Variants in MAGI2 observed in about 807,000 individuals in gnomAD.
The protein encoded by MAGI2 is membrane associated guanylate kinase, WW and PDZ domain containing 2.
A neutral mutation model predicts 133.3 loss-of-function variants in MAGI2; 35 were observed. The ratio of observed to expected loss-of-function variants is 0.26; its 90% CI spans 0.20 to 0.35. The LOEUF (loss-of-function observed/expected upper bound fraction) is 0.35, where lower values mean the gene tolerates loss of function less well. Ranked by LOEUF, MAGI2 falls within the 10% of genes least tolerant of loss-of-function variation. The pLI, the probability that MAGI2 is intolerant of heterozygous loss-of-function variation, is 1.00. For missense variants in MAGI2, 1,636 were observed against 1,863.4 expected (o/e 0.88, Z 2.25); for synonymous variants, 729 against 710.6 (o/e 1.03, Z -0.41).
rs758218253 is a variant in MAGI2, at chr7:78,346,050, A to G, written c.1104-7T>C. The G allele has an allele frequency of 6.8e-6, 11 of 1,613,758 alleles. No individual in the cohort carries two copies. The African/African-American group carries it at 1.1e-4, about 16-fold the overall frequency. On this transcript the variant is annotated splice_polypyrimidine_tract_variant and splice_region_variant and intron_variant, in intron 7 of 21. Transcript: ENST00000354212. ...TGTTCTTCTATTTATGTGGCTAAAA[A>G]AGAAAATTTCAGATTAGGATAACCG...
chr7:78,948,661 T>A (rs1363211751), intron 2 of MAGI2, among the ~76,000 whole-genome samples: 1 of 152,112 alleles, frequency 6.6e-6, no homozygotes, highest in African/African-American at 2.4e-5. Flanking sequence ...TATTTGTACA[T>A]TAGAATCAAT....
rs150156602 is a variant in MAGI2 at position 78,175,173 on chromosome 7, T to C, written c.2403+2838A>G. ...CACAGGACAGTTCTCTGGGTGGCCT[T>C]GGACTCACCCAATTTTTTCCCCTTC... On this transcript the variant is annotated intron_variant, in intron 14 of 21. Coordinates refer to ENST00000354212, the MANE Select transcript of MAGI2 (RefSeq NM_012301.4). 4.9e-3 allele frequency among the ~76,000 whole-genome samples: 746 copies of C among 152,326 alleles called. 7 individuals carry two copies. The highest frequency in any genetic ancestry group is 0.017 in the African/African-American group (697 of 41,580).
chr7:78,280,716 A>T (rs1450331276), intron 9 of MAGI2, among the ~76,000 whole-genome samples: 1 of 152,098 alleles, frequency 6.6e-6, no homozygotes, highest in Non-Finnish European at 1.5e-5. Flanking sequence ...TAAAGCCTTG[A>T]CACTCAGACT....
chr7:79,263,434 G>T (rs534856325), intron 1 of MAGI2, among the ~76,000 whole-genome samples: 1 of 152,112 alleles, frequency 6.6e-6, no homozygotes, highest in Non-Finnish European at 1.5e-5. Context: ...CTGACACCAG[G>T]ACCAGAGCTA....
At position 79,335,799 on chromosome 7, in the gene MAGI2, T is replaced by C. The variant is rs528461723; in HGVS notation, c.301+117221A>G. Reference sequence around the variant, plus strand: ...TACTCTCACATATTATTTTAAATGTTCAATAGTTTGGAAGTTAATTAGGCA... The same window carrying C: ...TACTCTCACATATTATTTTAAATGTCCAATAGTTTGGAAGTTAATTAGGCA... On this transcript the variant is annotated intron_variant, in intron 1 of 21. Transcript: ENST00000354212. 4.6e-5 allele frequency among the ~76,000 whole-genome samples: 7 copies of C among 152,236 alleles called. No homozygotes were observed. In the South Asian group the frequency reaches 8.3e-4, roughly 18 times the overall value.
chr7:78,822,941 C>T (rs978070464), intron 2 of MAGI2, among the ~76,000 whole-genome samples: 1 of 152,122 alleles, frequency 6.6e-6, no homozygotes, highest in African/African-American at 2.4e-5. Context: ...GGGCATTACT[C>T]AAGTCAGTAT....
At chr7:78,336,915 G>T (rs184355070) in intron 9 of MAGI2, among the ~76,000 whole-genome samples, 1 of 152,038 alleles carries the variant, frequency 6.6e-6, no homozygotes, top group Admixed American at 6.6e-5. Flanking sequence ...AAAAATGAAC[G>T]GGTTATGAGT....
intron 1 of MAGI2, among the ~76,000 whole-genome samples, chr7:79,122,352 G>T (rs1346111394): frequency 6.6e-6 from 1 of 152,056 alleles, no homozygotes; most frequent in Non-Finnish European, 1.5e-5. Context: ...CAACCAACTA[G>T]GTTCACATAA....
chr7:78,670,604 G>A (rs1006699152), intron 2 of MAGI2, among the ~76,000 whole-genome samples: 42 of 152,146 alleles, frequency 2.8e-4, no homozygotes, highest in South Asian at 2.3e-3. Flanking sequence ...AAAAGAGCCC[G>A]CATTGCCAAG....
In MAGI2 at chr7:78,918,041, C is replaced by A. The variant is rs73375241; in HGVS notation, c.418+89049G>T. 9.2e-3 allele frequency among the ~76,000 whole-genome samples: 1,402 copies of A among 152,186 alleles called. 25 individuals are homozygous for A. The highest frequency in any genetic ancestry group is 0.032 in the African/African-American group (1,313 of 41,534). On this transcript the variant is annotated intron_variant, in intron 2 of 21. Coordinates refer to ENST00000354212, the MANE Select transcript of MAGI2 (RefSeq NM_012301.4). ...AGCTCAATCTCCAGGACTCCAACTT[C>A]CTCGAAGGTGGGTGGCTGAACGGAA...
rs147291707 is a variant in MAGI2, at chr7:78,805,425, A to C, written c.419-178186T>G. Among the ~76,000 whole-genome samples the C allele has an allele frequency of 7.0e-3, 1,059 of 152,198 alleles. 17 individuals carry two copies. The highest frequency in any genetic ancestry group is 0.023 in the African/African-American group (950 of 41,506). On this transcript the variant is annotated intron_variant, in intron 2 of 21. Coordinates refer to ENST00000354212, the MANE Select transcript of MAGI2 (RefSeq NM_012301.4). ...CAATAAAAGATATGAGGTAGGAGAG[A>C]AGGGAAAGTGCTGAAGAGGAAGAAA... is the stretch of plus-strand genomic sequence containing the variant.
At chr7:78,278,952 A>G (rs980703788) in intron 9 of MAGI2, among the ~76,000 whole-genome samples, 1 of 152,194 alleles carries the variant, frequency 6.6e-6, no homozygotes, top group Non-Finnish European at 1.5e-5. Context: ...CTGGAACTAT[A>G]CAATGTATCT....
chr7:79,166,375 T>C (rs1288501209), intron 1 of MAGI2, among the ~76,000 whole-genome samples: 1 of 151,798 alleles, frequency 6.6e-6, no homozygotes, highest in Admixed American at 6.6e-5. Context: ...GGACCCTGAG[T>C]TCTACAACTA....
At chr7:78,584,947 T>C (rs1194213648) in intron 3 of MAGI2, among the ~76,000 whole-genome samples, 1 of 152,210 alleles carries the variant, frequency 6.6e-6, no homozygotes, top group African/African-American at 2.4e-5. Flanking sequence ...GACTGAAATT[T>C]TGTAGTAGGA....
At chr7:79,357,509 C>T (rs1842098460) in intron 1 of MAGI2, among the ~76,000 whole-genome samples, 1 of 152,122 alleles carries the variant, frequency 6.6e-6, no homozygotes, top group South Asian at 2.1e-4. Flanking sequence ...CTTAAGGCTG[C>T]CCTGCTTTAT....
intron 6 of MAGI2, among the ~76,000 whole-genome samples, chr7:78,394,341 G>T (rs986381670): frequency 6.6e-6 from 1 of 152,136 alleles, no homozygotes; most frequent in Non-Finnish European, 1.5e-5. Flanking sequence ...GAGTTTTGGT[G>T]CTTTCCCCTT....
chr7:78,520,301 A>C (rs1796387346), intron 4 of MAGI2, among the ~76,000 whole-genome samples: 1 of 152,184 alleles, frequency 6.6e-6, no homozygotes, highest in Non-Finnish European at 1.5e-5. Context: ...TGAAAAAGGA[A>C]GATAAAAAGT....
chr7:79,430,353 TA>T (rs1348693756), intron 1 of MAGI2, among the ~76,000 whole-genome samples: 1 of 152,202 alleles, frequency 6.6e-6, no homozygotes, highest in Non-Finnish European at 1.5e-5. Flanking sequence ...TTAATGCCTT[TA>T]TTCCCTGATT....
intron 21 of MAGI2, among the ~76,000 whole-genome samples, chr7:78,057,635 T>C (rs1812727078): frequency 2.0e-5 from 3 of 152,166 alleles, no homozygotes; most frequent in Admixed American, 2.0e-4. Flanking sequence ...TGGCCATTTG[T>C]GTATTTATGT....
Sources: allele counts gnomAD v4.1 joint callset (sites outside exome capture counted in the v4.1 genomes callset), GRCh38; gene constraint gnomAD v4.1.1; transcripts MANE v1.5; gene names NCBI Gene and HGNC (gene_info 2026-07-23, HGNC 2026-07-21).